The following ZP3 variants were observed in gnomAD, a reference collection of about 807,000 sequenced individuals.
The protein encoded by ZP3 is zona pellucida sperm-binding protein 3.
ZP3 carries 21 observed loss-of-function variants against 35.6 expected under a neutral mutation model. The ratio of observed to expected loss-of-function variants is 0.59; its 90% CI spans 0.42 to 0.85. ZP3 has a LOEUF of 0.85. Ranked by LOEUF, ZP3 falls within the 40% of genes least tolerant of loss-of-function variation. ZP3 has a pLI of 0.00. For synonymous variants in ZP3, 207 were observed against 214.5 expected, an observed-to-expected ratio of 0.96 and a Z score of 0.31; for missense variants, 437 against 536.5, an observed-to-expected ratio of 0.81 and a Z score of 1.83.
chr7:76,436,038 T>TCC (rs1805994462), intron 5 of ZP3, among the ~76,000 whole-genome samples: 1 of 17,320 alleles, frequency 5.8e-5, no homozygotes, highest in African/African-American at 3.0e-4. Context: ...CCCTTTTTTT[T>TCC]TTTTTTTTTT....
intron 1 of ZP3, chr7:76,404,210 G>A (rs1804924824): frequency 2.8e-6 from 4 of 1,418,380 alleles, no homozygotes; most frequent in Non-Finnish European, 3.7e-6. Context: ...CAACAGGAAC[G>A]AGCTCATTCA....
rs1405955406 is a variant in ZP3, at chr7:76,407,054, G to A, written c.-67+9257G>A. Among the ~76,000 whole-genome samples the A allele has an allele frequency of 4.6e-5, 7 of 151,818 alleles. No individual in the cohort carries two copies. In the East Asian group the frequency reaches 1.4e-3, roughly 30 times the overall value. On this transcript the variant is annotated intron_variant, in intron 1 of 8. Coordinates refer to the ZP3 transcript ENST00000336517. ...CAGCTCACTGCAACCTCCACCTCCT[G>A]GGTTCAAGGAATTCTTCTGCCTCAG...
chr7:76,434,971 C>CT (rs1490176619), intron 5 of ZP3, among the ~76,000 whole-genome samples: 6 of 152,136 alleles, frequency 3.9e-5, no homozygotes, highest in African/African-American at 1.4e-4. Context: ...TGGGAACTGC[C>CT]TAATGGCTGA....
At position 76,405,302 on chromosome 7, in the gene ZP3, TA is replaced by T. The variant is rs1563686878; in HGVS notation, c.-67+7506del. On this transcript the variant is annotated intron_variant, in intron 1 of 8. Transcript: ENST00000336517. ...ATATATATATATATATATATATATA[TA>T]TATATATATATATGTATTTTTTTCT... Among the ~76,000 whole-genome samples the T allele has an allele frequency of 1.2e-3, 72 of 58,340 alleles. 1 individual carries two copies. Among genetic ancestry groups the T allele is most frequent in the African/African-American group, 4.8e-3 (63 of 13,146 alleles). 38.3% of individuals were successfully genotyped at this position (58,340 alleles called of 152,430 possible). A position where few individuals can be genotyped will look rare whatever the true frequency, so the allele number is the denominator to read the frequency against.
intron 1 of ZP3, among the ~76,000 whole-genome samples, chr7:76,425,648 A>G (rs1805629228): frequency 6.6e-6 from 1 of 152,100 alleles, no homozygotes; most frequent in South Asian, 2.1e-4. Flanking sequence ...TCCTGAAGAG[A>G]CCCAAAGTAT....
At chr7:76,418,627 C>T (rs967712652) in intron 1 of ZP3, among the ~76,000 whole-genome samples, 7 of 129,762 alleles carry the variant, frequency 5.4e-5, no homozygotes, top group East Asian at 2.8e-4. Flanking sequence ...GAGGCCAAGG[C>T]GGGCAGATCA....
At chr7:76,410,513 G>A (rs1199912361) in intron 1 of ZP3, among the ~76,000 whole-genome samples, 6 of 146,516 alleles carry the variant, frequency 4.1e-5, no homozygotes, top group Non-Finnish European at 7.4e-5. Context: ...CCACTGCACT[G>A]GCCAAAAAAA....
At position 76,434,095 on chromosome 7, in the gene ZP3, G is replaced by A; in HGVS notation, c.771G>A (p.Gly257=). 7.0e-7 allele frequency: 1 copy of A among 1,419,748 alleles called. No homozygotes were observed. Among genetic ancestry groups the A allele is most frequent in the Non-Finnish European group, 9.7e-7 (1 of 1,030,670 alleles). The allele number at this position is 1,419,748 out of a possible 1,614,324, so 87.9% of individuals were successfully genotyped here. A position where few individuals can be genotyped will look rare whatever the true frequency, so the allele number is the denominator to read the frequency against. ...CTGCATTCAAAGTTCCTCGACCCGG[G>A]CCAGATACACTCCAGTTCACAGTGG... ...ASSAFKVPRP[G]PDTLQFTVDV... Residue 257 remains glycine, a synonymous_variant, in exon 5 of 8, where the codon GGG becomes GGA. Transcript: ENST00000394857.
In ZP3 at chr7:76,410,823, C is replaced by T. The variant is rs545106864; in HGVS notation, c.-67+13026C>T. ...CAGCCTGGCTGACATGGTGAAACCC[C>T]GTCTCTACTAAAAATACAAAAATTA... On this transcript the variant is annotated intron_variant, in intron 1 of 8. Transcript: ENST00000336517. Among the ~76,000 whole-genome samples the T allele has an allele frequency of 1.3e-4, 19 of 151,564 alleles. No individual in the cohort carries two copies. The South Asian group carries it at 2.1e-3, about 17-fold the overall frequency.
intron 2 of ZP3, 48 bp from the exon 3 acceptor site, chr7:76,432,879 G>A: frequency 6.5e-7 from 1 of 1,535,154 alleles, no homozygotes; most frequent in Non-Finnish European, 9.0e-7. Context: ...GGGGGCCCAG[G>A]TGGGTGTGAC....
At chr7:76,400,536 G>T in intron 1 of ZP3, 1 of 1,556,622 alleles carries the variant, frequency 6.4e-7, no homozygotes, top group South Asian at 1.2e-5. Context: ...AGGAGCCACC[G>T]TGCATGACTT....
intron 1 of ZP3, among the ~76,000 whole-genome samples, chr7:76,417,959 A>T (rs1805415527): frequency 7.0e-6 from 1 of 142,190 alleles, no homozygotes; most frequent in Non-Finnish European, 1.5e-5. Context: ...TTTTTTTGAG[A>T]CACAATCTCA....
At chr7:76,400,575 C>G in intron 1 of ZP3, 1 of 1,480,432 alleles carries the variant, frequency 6.8e-7, no homozygotes, top group Non-Finnish European at 9.0e-7. Flanking sequence ...GGCTGGGGCC[C>G]CCCACCAGCC....
At chr7:76,404,520 C>T in intron 1 of ZP3, 2 of 1,606,540 alleles carry the variant, frequency 1.2e-6, no homozygotes, top group Non-Finnish European at 1.7e-6. Context: ...AATTAAAGAT[C>T]CCAAATGTTG....
chr7:76,441,148 G>A (rs1223481903), intron 7 of ZP3, among the ~76,000 whole-genome samples: 7 of 151,256 alleles, frequency 4.6e-5, no homozygotes, highest in Non-Finnish European at 1.0e-4. Flanking sequence ...TCCAGCCTGG[G>A]CAACAAGAGT....
At position 76,429,523 on chromosome 7, in the gene ZP3, C is replaced by T. The variant is rs750215338; in HGVS notation, c.321C>T (p.Asp107=). ...HECGNSMQVT[D]DALVYSTFLL... ...TCTCACCTTTCCTCCAGGTAACTGACGATGCCCTGGTGTACAGCACCTTCC... is the reference window on the plus strand; with the variant it reads ...TCTCACCTTTCCTCCAGGTAACTGATGATGCCCTGGTGTACAGCACCTTCC... The change falls in exon 2 of 8, where the codon GAC becomes GAT. Residue 107 remains aspartate, a synonymous_variant. Coordinates refer to ENST00000394857, the MANE Select transcript of ZP3 (RefSeq NM_001110354.2). 91 of 1,613,864 alleles carry T rather than the reference C, an allele frequency of 5.6e-5. No homozygotes were observed. Among genetic ancestry groups the T allele is most frequent in the Middle Eastern group, 1.6e-4 (1 of 6,084 alleles).
Position 76,425,223 on chromosome 7 carries a change from G to A in ZP3, c.259G>A (p.Glu87Lys), listed in dbSNP as rs777051289. Residue 87 changes from glutamate (E) to lysine (K), a missense_variant, in exon 1 of 8, where the codon GAA (glutamate) becomes AAA (lysine). Around this residue, in one of 6 missense-constraint regions of ZP3, gnomAD observed 352 missense variants for 308.4 expected, o/e 1.14. Coordinates refer to ENST00000394857, the MANE Select transcript of ZP3 (RefSeq NM_001110354.2). ...ACEPLVSMDT[E>K]DVVRFEVGLH... ...TGAGCCTCTGGTCTCCATGGACACA[G>A]AAGATGTGGTCAGGTTTGAGGTTGG... The A allele has an allele frequency of 3.7e-6, 6 of 1,613,794 alleles. No individual in the cohort carries two copies. Among genetic ancestry groups the A allele is most frequent in the Non-Finnish European group, 5.1e-6 (6 of 1,179,982 alleles).
Position 76,425,038 on chromosome 7 carries a change from T to A in ZP3, c.74T>A (p.Leu25His), listed in dbSNP as rs1805607465. The change falls in exon 1 of 8, where the codon CTC becomes CAC. Residue 25 changes from leucine (L) to histidine (H), a missense_variant. Physicochemically the swap from Leu to His is moderately conservative, Grantham distance 99 (BLOSUM62 -3). This residue lies in a region of ZP3 where 352 missense variants were observed against 308.4 expected (regional missense o/e 1.14). Transcript: ENST00000394857. ...GSTELCYPQPLWLLQGGASHP... is the reference protein window; with the variant it reads ...GSTELCYPQPHWLLQGGASHP... Reference sequence around the variant, plus strand: ...ACTGAGCTGTGCTACCCCCAACCCCTCTGGCTCTTGCAGGGTGGAGCCAGC... The same window carrying A: ...ACTGAGCTGTGCTACCCCCAACCCCACTGGCTCTTGCAGGGTGGAGCCAGC... The A allele has an allele frequency of 6.2e-7, 1 of 1,602,914 alleles. No individual in the cohort carries two copies. Among genetic ancestry groups the A allele is most frequent in the Non-Finnish European group, 8.5e-7 (1 of 1,175,182 alleles).
chr7:76,406,146 C>T (rs924898407), intron 1 of ZP3, among the ~76,000 whole-genome samples: 6 of 151,996 alleles, frequency 3.9e-5, no homozygotes, highest in South Asian at 2.1e-4. Context: ...CCACCACGCC[C>T]GGCTCATTTT....
Sources: gnomAD v4.1 joint callset for allele counts (sites outside exome capture counted in the v4.1 genomes callset) on GRCh38, gnomAD v4.1.1 for gene constraint, gnomAD v4.1.1 regional missense constraint, MANE v1.5 for transcripts, NCBI Gene and HGNC (gene_info 2026-07-23, HGNC 2026-07-21) for gene names.